ENTREP2: variants seen among roughly 807,000 people sequenced by gnomAD.
The protein encoded by ENTREP2 is endosomal transmembrane epsin interactor 2, also known as protein ENTREP2.
At chr15:29,223,851 T>C in the ENTREP2 span, among the ~76,000 whole-genome samples, 1 of 152,116 alleles carries the variant, frequency 6.6e-6, no homozygotes, top group Admixed American at 6.5e-5. Flanking sequence ...AAGCAGGCAC[T>C]CTCTGGAGAG....
chr15:29,249,366 C>T, the ENTREP2 span, among the ~76,000 whole-genome samples: 2 of 152,068 alleles, frequency 1.3e-5, no homozygotes, highest in Non-Finnish European at 2.9e-5. Context: ...AATCACAAGG[C>T]AGCATGAAGT....
At chr15:29,215,923 A>C in the ENTREP2 span, among the ~76,000 whole-genome samples, 1 of 152,170 alleles carries the variant, frequency 6.6e-6, no homozygotes, top group Non-Finnish European at 1.5e-5. Flanking sequence ...GTATCTTTTA[A>C]GGGGAGCATT....
the ENTREP2 span, among the ~76,000 whole-genome samples, chr15:29,643,783 A>G: frequency 7.0e-6 from 1 of 142,740 alleles, no homozygotes; most frequent in South Asian, 2.1e-4. Context: ...TCTGTCTCAA[A>G]AAAAAAAAAA....
the ENTREP2 span, among the ~76,000 whole-genome samples, chr15:29,277,213 G>A: frequency 5.3e-5 from 8 of 152,064 alleles, no homozygotes; most frequent in Non-Finnish European, 8.8e-5. Flanking sequence ...GCCTGGTGGC[G>A]GGTGCCTGTA....
At chr15:29,300,762 C>T in the ENTREP2 span, among the ~76,000 whole-genome samples, 1 of 152,176 alleles carries the variant, frequency 6.6e-6, no homozygotes, top group Admixed American at 6.5e-5. Context: ...CCATGCCCGG[C>T]TAATTTTTTG....
chr15:29,214,364 A>G, the ENTREP2 span, among the ~76,000 whole-genome samples: 1 of 152,226 alleles, frequency 6.6e-6, no homozygotes, highest in African/African-American at 2.4e-5. Flanking sequence ...CAGCCATAAA[A>G]AAGGATGAAT....
At chr15:29,330,407 C>T in the ENTREP2 span, among the ~76,000 whole-genome samples, 16 of 152,246 alleles carry the variant, frequency 1.1e-4, no homozygotes, top group East Asian at 1.7e-3. Flanking sequence ...CGAGATCACG[C>T]CACTGCACTC....
At chr15:29,348,675 C>T in the ENTREP2 span, among the ~76,000 whole-genome samples, 19 of 152,238 alleles carry the variant, frequency 1.2e-4, no homozygotes, top group South Asian at 6.2e-4. Flanking sequence ...CAATGTGACC[C>T]GCGATTTGGC....
the ENTREP2 span, chr15:29,123,730 G>A: frequency 1.4e-6 from 2 of 1,422,636 alleles, no homozygotes; most frequent in East Asian, 5.0e-5. Context: ...AGAAAAGCCT[G>A]CTCGGGAGGA....
At chr15:29,594,488 A>G in the ENTREP2 span, among the ~76,000 whole-genome samples, 2 of 152,126 alleles carry the variant, frequency 1.3e-5, no homozygotes, top group African/African-American at 4.8e-5. Context: ...CAGAGGTGCA[A>G]TAGATCTAAT....
the ENTREP2 span, chr15:29,268,983 G>A: frequency 6.2e-7 from 1 of 1,614,140 alleles, no homozygotes; most frequent in Non-Finnish European, 8.5e-7. Context: ...CGACGGGGTC[G>A]GTGTGGGGTA....
At chr15:29,155,081 G>T in the ENTREP2 span, among the ~76,000 whole-genome samples, 6 of 151,666 alleles carry the variant, frequency 4.0e-5, no homozygotes, top group African/African-American at 1.5e-4. Flanking sequence ...AGGAGATCGA[G>T]ACCATCCTGG....
the ENTREP2 span, among the ~76,000 whole-genome samples, chr15:29,666,417 AC>A: frequency 7.2e-6 from 1 of 138,450 alleles, no homozygotes; most frequent in African/African-American, 2.7e-5. Flanking sequence ...CCCCCCACTC[AC>A]CCCCACCCTC....
At chr15:29,367,519 A>T in the ENTREP2 span, among the ~76,000 whole-genome samples, 3 of 152,234 alleles carry the variant, frequency 2.0e-5, no homozygotes. Context: ...ATTAATCTAA[A>T]CACTTAAAAA....
chr15:29,621,015 G>A, the ENTREP2 span, among the ~76,000 whole-genome samples: 1 of 152,114 alleles, frequency 6.6e-6, no homozygotes, highest in Admixed American at 6.5e-5. Flanking sequence ...GTCTCATCGT[G>A]CTGCTCTCCC....
chr15:29,343,570 G>GGC, the ENTREP2 span, among the ~76,000 whole-genome samples: 5 of 76,428 alleles, frequency 6.5e-5, no homozygotes, highest in East Asian at 3.8e-4. Context: ...AAAAAAACCA[G>GGC]GCGCTCTCTC....
At chr15:29,429,183 GTCTA>G in the ENTREP2 span, among the ~76,000 whole-genome samples, 9 of 139,030 alleles carry the variant, frequency 6.5e-5, no homozygotes, top group South Asian at 4.8e-4. Context: ...ATCTTGAGAT[GTCTA>G]TCTATCCATC....
At chr15:29,436,545 G>A in the ENTREP2 span, among the ~76,000 whole-genome samples, 61 of 152,122 alleles carry the variant, frequency 4.0e-4, no homozygotes, top group African/African-American at 1.2e-3. Context: ...ATATTCAGTC[G>A]AGAACAAAAA....
the ENTREP2 span, among the ~76,000 whole-genome samples, chr15:29,593,264 GCT>G: frequency 6.6e-6 from 1 of 152,212 alleles, no homozygotes; most frequent in South Asian, 2.1e-4. Flanking sequence ...GTGTCACTTG[GCT>G]CACCTCCTGT....
Sources: allele counts gnomAD v4.1 joint callset (sites outside exome capture counted in the v4.1 genomes callset), GRCh38; gene constraint gnomAD v4.1.1; transcripts MANE v1.5; gene names NCBI Gene and HGNC (gene_info 2026-07-23, HGNC 2026-07-21).